ELAVL4: variants seen among roughly 807,000 people sequenced by gnomAD.
The protein encoded by ELAVL4 is ELAV like RNA binding protein 4, also known as ELAV-like protein 4.
In ELAVL4, 1 loss-of-function variant was observed where a neutral mutation model predicts 35.6. The observed-to-expected ratio is 0.03, with a 90% CI of 0.01 to 0.13. The LOEUF (loss-of-function observed/expected upper bound fraction) is 0.13. ELAVL4 is among the 10% of genes least tolerant of loss of function. ELAVL4 has a pLI of 1.00. For missense variants in ELAVL4, 267 were observed against 464.9 expected, an observed-to-expected ratio of 0.57 and a Z score of 3.91; for synonymous variants, 156 against 171.0, an observed-to-expected ratio of 0.91 and a Z score of 0.69.
intron 1 of ELAVL4, among the ~76,000 whole-genome samples, chr1:50,120,172 A>G (rs769003852): frequency 1.9e-4 from 29 of 152,050 alleles, no homozygotes; most frequent in South Asian, 1.7e-3. Flanking sequence ...AATGGCAAGC[A>G]GAATGATGTG....
chr1:50,109,016 C>CGGGGGGGGGCG lies in ELAVL4; in HGVS notation c.-174_-173insGGGGGGGGGCG. 2.0e-5 allele frequency: 18 copies of CGGGGGGGGGCG among 905,112 alleles called. No individual in the cohort carries two copies. Among genetic ancestry groups the CGGGGGGGGGCG allele is most frequent in the East Asian group, 1.2e-4 (1 of 8,074 alleles). The allele number at this position is 905,112 out of a possible 1,614,324, so 56.1% of individuals were successfully genotyped here. A position where few individuals can be genotyped will look rare whatever the true frequency, so the allele number is the denominator to read the frequency against. On this transcript the variant is annotated 5_prime_UTR_variant, in exon 1 of 7. Transcript: ENST00000371824. Reference sequence around the variant, plus strand: ...CTCCTTTTCTTTTTTTTCTTTCTCTCCCCCGCCCACCCCCCCAAAAATAAT... The same window carrying CGGGGGGGGGCG: ...CTCCTTTTCTTTTTTTTCTTTCTCTCGGGGGGGGGCGCCCCGCCCACCCCCCCAAAAATAAT...
chr1:50,104,349 T>A (rs1403146753), upstream of ELAVL4, among the ~76,000 whole-genome samples: 2 of 152,252 alleles, frequency 1.3e-5, no homozygotes, highest in African/African-American at 2.4e-5. Flanking sequence ...TGACATTTTT[T>A]AATTAGTGTT....
intron 2 of ELAVL4, among the ~76,000 whole-genome samples, chr1:50,170,381 G>A (rs1274853880): frequency 6.6e-6 from 1 of 152,184 alleles, no homozygotes; most frequent in Non-Finnish European, 1.5e-5. Flanking sequence ...GAAATTCTGA[G>A]AGCTTTCCCA....
intron 1 of ELAVL4, among the ~76,000 whole-genome samples, chr1:50,064,824 T>C (rs982431056): frequency 6.6e-6 from 1 of 152,198 alleles, no homozygotes; most frequent in Non-Finnish European, 1.5e-5. Context: ...AATACCCTCT[T>C]ACTTTTCATC....
chr1:50,160,964 G>C (rs1572460881), intron 2 of ELAVL4, among the ~76,000 whole-genome samples: 1 of 152,290 alleles, frequency 6.6e-6, no homozygotes, highest in East Asian at 1.9e-4. Flanking sequence ...TTCATGCACA[G>C]ACATTTCACC....
intron 3 of ELAVL4, among the ~76,000 whole-genome samples, chr1:50,185,731 G>A (rs551818414): frequency 6.6e-4 from 101 of 152,274 alleles, no homozygotes; most frequent in African/African-American, 2.1e-3. Flanking sequence ...GAGAGGGGGG[G>A]ACTTTTTTCC....
chr1:50,090,664 C>T (rs1665450961), intron 1 of ELAVL4, among the ~76,000 whole-genome samples: 1 of 152,128 alleles, frequency 6.6e-6, no homozygotes, highest in Admixed American at 6.5e-5. Context: ...CCTTTAGGGC[C>T]TCAGAGTTCT....
At chr1:50,110,965 T>TA (rs530189691) in intron 1 of ELAVL4, among the ~76,000 whole-genome samples, 297 of 149,946 alleles carry the variant, frequency 2.0e-3, no homozygotes, top group South Asian at 9.6e-3. Context: ...GCAAACAGTG[T>TA]AAAAAAAAAG....
intron 1 of ELAVL4, among the ~76,000 whole-genome samples, chr1:50,138,853 G>A (rs958053997): frequency 6.6e-6 from 1 of 152,142 alleles, no homozygotes; most frequent in Admixed American, 6.6e-5. Flanking sequence ...GGGGAATGAG[G>A]AGGTATTGTT....
intron 1 of ELAVL4, among the ~76,000 whole-genome samples, chr1:50,074,443 G>A (rs575586159): frequency 6.6e-6 from 1 of 152,284 alleles, no homozygotes; most frequent in South Asian, 2.1e-4. Flanking sequence ...TATGCCAGGT[G>A]CATTGTTCGC....
intron 1 of ELAVL4, among the ~76,000 whole-genome samples, chr1:50,085,393 CTTTG>C (rs1321993577): frequency 6.6e-6 from 1 of 152,190 alleles, no homozygotes; most frequent in Non-Finnish European, 1.5e-5. Context: ...AATCACAGCA[CTTTG>C]GGAGGCCAAG....
chr1:50,150,486 A>T (rs1674584860), intron 2 of ELAVL4, among the ~76,000 whole-genome samples: 1 of 152,154 alleles, frequency 6.6e-6, no homozygotes, highest in Non-Finnish European at 1.5e-5. Context: ...AATTTCTGAA[A>T]GTGCTAACAA....
At chr1:50,069,253 C>A (rs140325104) in intron 1 of ELAVL4, among the ~76,000 whole-genome samples, 1 of 152,162 alleles carries the variant, frequency 6.6e-6, no homozygotes, top group Non-Finnish European at 1.5e-5. Flanking sequence ...TCTGTGAGGT[C>A]TTCTGCTTAA....
At chr1:50,058,878 A>G (rs940140748) in intron 1 of ELAVL4, among the ~76,000 whole-genome samples, 6 of 152,262 alleles carry the variant, frequency 3.9e-5, no homozygotes, top group African/African-American at 1.4e-4. Context: ...TGCTGGGATT[A>G]CAGGCATGAG....
chr1:50,079,467 C>T (rs1664914406), intron 1 of ELAVL4, among the ~76,000 whole-genome samples: 1 of 152,130 alleles, frequency 6.6e-6, no homozygotes, highest in Admixed American at 6.6e-5. Context: ...CAAAATAGTC[C>T]TGAGTCAGGG....
At chr1:50,154,487 C>G (rs1675365332) in intron 2 of ELAVL4, among the ~76,000 whole-genome samples, 1 of 152,180 alleles carries the variant, frequency 6.6e-6, no homozygotes, top group Admixed American at 6.5e-5. Context: ...AAAGTGGATA[C>G]AGCTAGCTAG....
Position 50,145,013 on chromosome 1 carries a change from T to A in ELAVL4, c.66T>A (p.Asn22Lys), listed in dbSNP as rs1356152656. Residue 22 changes from asparagine (N) to lysine (K), a missense_variant, in exon 2 of 7, where the codon AAT becomes AAA. Asn to Lys is a moderately conservative substitution (Grantham distance 94). Transcript: ENST00000371824. ...VSNGPTSNTS[N>K]GPSSNNRNCP... ...ATGGTCCGACATCCAATACAAGCAATGGACCCTCCAGCAACAACAGAAACT... is the reference window on the plus strand; with the variant it reads ...ATGGTCCGACATCCAATACAAGCAAAGGACCCTCCAGCAACAACAGAAACT... 1 of 1,613,826 alleles carries A rather than the reference T, an allele frequency of 6.2e-7. No individual in the cohort carries two copies. Among genetic ancestry groups the A allele is most frequent in the East Asian group, 2.2e-5 (1 of 44,824 alleles).
chr1:50,151,824 G>A (rs115450067), intron 2 of ELAVL4, among the ~76,000 whole-genome samples: 5,726 of 152,174 alleles, frequency 0.038, 160 homozygotes, highest in Non-Finnish European at 0.059. Flanking sequence ...TTGTTGACTC[G>A]GGAAGAGGGG....
At chr1:50,143,188 A>T (rs1342566036) in intron 1 of ELAVL4, among the ~76,000 whole-genome samples, 2 of 152,154 alleles carry the variant, frequency 1.3e-5, no homozygotes, top group African/African-American at 4.8e-5. Context: ...CCCAGTTGTG[A>T]ATTGTGTTCA....
Sources: allele counts gnomAD v4.1 joint callset (sites outside exome capture counted in the v4.1 genomes callset), GRCh38; gene constraint gnomAD v4.1.1; transcripts MANE v1.5; gene names NCBI Gene and HGNC (gene_info 2026-07-23, HGNC 2026-07-21).